NRG3: variants seen among roughly 807,000 people sequenced by gnomAD.
NRG3 encodes the protein pro-neuregulin-3, membrane-bound isoform.
A neutral mutation model predicts 66.9 loss-of-function variants in NRG3; 31 were observed. The ratio of observed to expected loss-of-function variants is 0.46; its 90% confidence interval spans 0.35 to 0.63. NRG3 has a LOEUF of 0.63. Among genes scored for constraint, NRG3 ranks in the 20% least tolerant of loss-of-function variants. The pLI, the probability that NRG3 is intolerant of heterozygous loss-of-function variation, is 0.00. For missense variants in NRG3, 910 were observed against 878.9 expected (o/e 1.04, Z -0.45); for synonymous variants, 393 against 359.4 (o/e 1.09, Z -1.06).
At chr10:82,588,508 T>C (rs1045043531) in intron 2 of NRG3, among the ~76,000 whole-genome samples, 1 of 152,012 alleles carries the variant, frequency 6.6e-6, no homozygotes, top group African/African-American at 2.4e-5. Context: ...TGAACCTTTT[T>C]TTTTTCTTTT....
At chr10:82,884,457 CCTTT>C (rs1842565707) in intron 4 of NRG3, among the ~76,000 whole-genome samples, 1 of 152,088 alleles carries the variant, frequency 6.6e-6, no homozygotes, top group South Asian at 2.1e-4. Context: ...ATATTTTTCA[CCTTT>C]CTGTTTTGCC....
chr10:82,361,564 A>G lies in NRG3; in HGVS notation c.953+2696A>G, dbSNP rs577253066. Among the ~76,000 whole-genome samples the G allele has an allele frequency of 3.9e-5, 6 of 152,348 alleles. No homozygotes were observed. In the South Asian group the frequency reaches 1.2e-3, roughly 32 times the overall value. ...AGTAGTATGTTTCAGTCATACTCCT[A>G]TTCAACAAATGTTTACTGAGCACCT... is the stretch of plus-strand genomic sequence containing the variant. On this transcript the variant is annotated intron_variant, in intron 2 of 8. Transcript: ENST00000372141.
chr10:82,624,848 A>C (rs2049300955), intron 2 of NRG3, among the ~76,000 whole-genome samples: 1 of 147,622 alleles, frequency 6.8e-6, no homozygotes. Context: ...AACCTAACTT[A>C]GTACTTGGGA....
chr10:82,056,738 A>C (rs1450258491), intron 1 of NRG3, among the ~76,000 whole-genome samples: 1 of 152,154 alleles, frequency 6.6e-6, no homozygotes, highest in Non-Finnish European at 1.5e-5. Flanking sequence ...TGTAGCTTTC[A>C]AAGATGCTTT....
At chr10:82,289,784 A>C (rs1431171748) in intron 1 of NRG3, among the ~76,000 whole-genome samples, 1 of 152,182 alleles carries the variant, frequency 6.6e-6, no homozygotes, top group East Asian at 1.9e-4. Flanking sequence ...TTCCCCAGTT[A>C]ATGTATACAT....
intron 2 of NRG3, among the ~76,000 whole-genome samples, chr10:82,684,037 G>A (rs979899362): frequency 7.2e-4 from 10 of 13,864 alleles, no homozygotes; most frequent in Non-Finnish European, 5.8e-3. Flanking sequence ...GAGCGCCCCT[G>A]TGTTCACTGT....
chr10:82,558,567 A>G (rs1432652155), intron 2 of NRG3, among the ~76,000 whole-genome samples: 1 of 152,076 alleles, frequency 6.6e-6, no homozygotes, highest in African/African-American at 2.4e-5. Context: ...TACATTAAGT[A>G]CTGAAATATG....
At chr10:82,274,595 A>G (rs932025671) in intron 1 of NRG3, among the ~76,000 whole-genome samples, 1 of 152,064 alleles carries the variant, frequency 6.6e-6, no homozygotes, top group Non-Finnish European at 1.5e-5. Context: ...TTTAAGAAAC[A>G]TTTCATTCAT....
rs2080490990 is a variant in NRG3 at position 82,302,965 on chromosome 10, CAT to C, written c.824-55773_824-55772del. Among the ~76,000 whole-genome samples, 6 of 152,160 alleles carry C rather than the reference CAT, an allele frequency of 3.9e-5. No individual in the cohort carries two copies. In the South Asian group the frequency reaches 1.2e-3, roughly 32 times the overall value. On this transcript the variant is annotated intron_variant, in intron 1 of 8. Coordinates refer to ENST00000372141, the MANE Select transcript of NRG3 (RefSeq NM_001010848.4). ...ATGATTCATTATCTGTTCAATGAAACATGTGGCCTCCAGTATCAACCACAATT... is the reference window on the plus strand; with the variant it reads ...ATGATTCATTATCTGTTCAATGAAACGTGGCCTCCAGTATCAACCACAATT...
At chr10:81,910,832 T>C (rs1845066305) in intron 1 of NRG3, among the ~76,000 whole-genome samples, 1 of 152,030 alleles carries the variant, frequency 6.6e-6, no homozygotes, top group South Asian at 2.1e-4. Flanking sequence ...TTATTTTATT[T>C]TATTTTATAG....
At chr10:82,429,989 A>G (rs909708443) in intron 2 of NRG3, among the ~76,000 whole-genome samples, 2 of 152,110 alleles carry the variant, frequency 1.3e-5, no homozygotes, top group Non-Finnish European at 2.9e-5. Flanking sequence ...TGTTGTTGTT[A>G]CCATGTCATT....
chr10:82,609,085 C>T (rs2048142577), intron 2 of NRG3, among the ~76,000 whole-genome samples: 1 of 152,086 alleles, frequency 6.6e-6, no homozygotes, highest in African/African-American at 2.4e-5. Flanking sequence ...ATCTCATAAT[C>T]CTTTTTTTAC....
At chr10:82,100,657 A>G (rs1396477208) in intron 1 of NRG3, among the ~76,000 whole-genome samples, 2 of 152,042 alleles carry the variant, frequency 1.3e-5, no homozygotes, top group Non-Finnish European at 2.9e-5. Flanking sequence ...GTCTCTTACT[A>G]TGGTGATTGA....
intron 1 of NRG3, among the ~76,000 whole-genome samples, chr10:82,275,007 G>A (rs1364161882): frequency 6.6e-6 from 1 of 151,774 alleles, no homozygotes; most frequent in Non-Finnish European, 1.5e-5. Flanking sequence ...TTCCTTTTGT[G>A]GAATATTTTC....
At chr10:82,263,599 T>C (rs1589515271) in intron 1 of NRG3, among the ~76,000 whole-genome samples, 1 of 152,186 alleles carries the variant, frequency 6.6e-6, no homozygotes, top group East Asian at 1.9e-4. Flanking sequence ...TTTCTTTTTA[T>C]ACTACATACA....
intron 1 of NRG3, among the ~76,000 whole-genome samples, chr10:82,316,528 C>T (rs1004719787): frequency 1.3e-5 from 2 of 152,086 alleles, no homozygotes; most frequent in East Asian, 3.9e-4. Flanking sequence ...TTTTTTCCCC[C>T]TCCTGGTAAA....
chr10:82,600,457 C>A (rs1475661839), intron 2 of NRG3, among the ~76,000 whole-genome samples: 1 of 151,946 alleles, frequency 6.6e-6, no homozygotes, highest in African/African-American at 2.4e-5. Context: ...TATAAATAAA[C>A]CAGTATCTTA....
chr10:82,501,897 G>A (rs953852109), intron 2 of NRG3, among the ~76,000 whole-genome samples: 3 of 152,102 alleles, frequency 2.0e-5, no homozygotes, highest in Non-Finnish European at 2.9e-5. Flanking sequence ...AGCTTAATGA[G>A]GGTAAGGATT....
At chr10:81,984,327 C>G (rs767187696) in intron 1 of NRG3, among the ~76,000 whole-genome samples, 53 of 152,208 alleles carry the variant, frequency 3.5e-4, no homozygotes, top group Non-Finnish European at 6.2e-4. Flanking sequence ...CTACATTCTT[C>G]TTTACAATCT....
Sources: gnomAD v4.1 joint callset for allele counts (sites outside exome capture counted in the v4.1 genomes callset) on GRCh38, gnomAD v4.1.1 for gene constraint, MANE v1.5 for transcripts, NCBI Gene and HGNC (gene_info 2026-07-23, HGNC 2026-07-21) for gene names.